Variants in LPP observed in about 807,000 individuals in gnomAD.
LPP encodes the protein lipoma-preferred partner.
Under a neutral mutation model 60.4 loss-of-function variants are expected in LPP, and 38 were observed. The ratio of observed to expected loss-of-function variants is 0.63; its 90% CI spans 0.49 to 0.83. The LOEUF (loss-of-function observed/expected upper bound fraction) is 0.83, where lower values mean the gene tolerates loss of function less well. Among genes scored for constraint, LPP ranks in the 40% least tolerant of loss-of-function variants. The probability of loss-of-function intolerance (pLI) is 0.00; values close to 1 mark genes in which losing one functional copy is unlikely to be tolerated. For synonymous variants in LPP, 328 were observed against 290.8 expected (o/e 1.13, Z -1.30); for missense variants, 902 against 783.6 (o/e 1.15, Z -1.80).
chr3:188,210,781 T>C (rs1489832061), intron 1 of LPP, among the ~76,000 whole-genome samples: 1 of 152,170 alleles, frequency 6.6e-6, no homozygotes. Context: ...AATAATCTCC[T>C]TTCTTTGCTG....
intron 1 of LPP, among the ~76,000 whole-genome samples, chr3:188,194,079 G>T (rs1728885505): frequency 1.3e-5 from 2 of 152,164 alleles, no homozygotes; most frequent in South Asian, 4.1e-4. Context: ...AAAAAATCAG[G>T]GTGCTGAATG....
chr3:188,270,124 A>T (rs1737207790), intron 2 of LPP, among the ~76,000 whole-genome samples: 1 of 152,178 alleles, frequency 6.6e-6, no homozygotes, highest in Non-Finnish European at 1.5e-5. Context: ...GTGGTATGAG[A>T]TTGCCTGAGA....
chr3:188,774,820 C>T (rs1320751509), intron 9 of LPP, among the ~76,000 whole-genome samples: 2 of 152,090 alleles, frequency 1.3e-5, no homozygotes, highest in East Asian at 1.9e-4. Context: ...ATCATGAGGG[C>T]TCCATCCTTA....
chr3:188,171,035 T>G (rs1721443567), intron 1 of LPP, among the ~76,000 whole-genome samples: 1 of 113,048 alleles, frequency 8.8e-6, no homozygotes, highest in African/African-American at 4.0e-5. Flanking sequence ...AAAGGAACAC[T>G]GGCAAACCTG....
intron 6 of LPP, among the ~76,000 whole-genome samples, chr3:188,607,037 CA>C (rs1842511704): frequency 6.7e-6 from 1 of 149,998 alleles, no homozygotes; most frequent in Non-Finnish European, 1.5e-5. Context: ...CATTCATTAA[CA>C]AAAAAGAATA....
At chr3:188,715,022 C>A (rs938622134) in intron 8 of LPP, among the ~76,000 whole-genome samples, 1 of 152,008 alleles carries the variant, frequency 6.6e-6, no homozygotes, top group African/African-American at 2.4e-5. Flanking sequence ...CATTTTAGAG[C>A]AAATTTTTTC....
At chr3:188,233,282 T>A (rs997459709) in intron 2 of LPP, among the ~76,000 whole-genome samples, 7 of 152,294 alleles carry the variant, frequency 4.6e-5, no homozygotes, top group African/African-American at 1.4e-4. Context: ...TTATTGGGCA[T>A]CACTACTGGA....
chr3:188,532,592 G>A (rs529317676), intron 6 of LPP, among the ~76,000 whole-genome samples: 2 of 152,208 alleles, frequency 1.3e-5, no homozygotes, highest in African/African-American at 4.8e-5. Context: ...GTTTGCCAAC[G>A]GGAAGAGCAT....
At chr3:188,308,274 A>C (rs1338027508) in intron 2 of LPP, among the ~76,000 whole-genome samples, 1 of 152,202 alleles carries the variant, frequency 6.6e-6, no homozygotes, top group African/African-American at 2.4e-5. Flanking sequence ...GGGCTGTGAT[A>C]TGCCTATATC....
chr3:188,641,091 C>T (rs1257274262), intron 7 of LPP, among the ~76,000 whole-genome samples: 12 of 151,820 alleles, frequency 7.9e-5, no homozygotes. Context: ...AAGGTTAAAT[C>T]TAAAGAAGTA....
chr3:188,732,714 AT>A lies in LPP; in HGVS notation c.1240+24322del, dbSNP rs1336356440. Among the ~76,000 whole-genome samples, 51 of 127,638 alleles carry A rather than the reference AT, an allele frequency of 4.0e-4. 1 individual carries two copies. The South Asian group carries it at 0.012, about 29-fold the overall frequency. The allele number at this position is 127,638 out of a possible 152,430, so 83.7% of individuals were successfully genotyped here. On this transcript the variant is annotated intron_variant, in intron 8 of 11. Transcript: ENST00000617246. Reference sequence around the variant, plus strand: ...GCCCTAGCGACAGAGTGAGACTCTTATCAAAAAAAAAAAAAAAAAAAAGAAT... The same window carrying A: ...GCCCTAGCGACAGAGTGAGACTCTTACAAAAAAAAAAAAAAAAAAAAGAAT...
intron 5 of LPP, among the ~76,000 whole-genome samples, chr3:188,507,957 G>A (rs1814057796): frequency 1.3e-5 from 2 of 152,088 alleles, no homozygotes; most frequent in Non-Finnish European, 2.9e-5. Context: ...TCCAATCTAA[G>A]GCTATATCAT....
At chr3:188,806,671 ATTTG>A (rs1211624863) in intron 9 of LPP, among the ~76,000 whole-genome samples, 3 of 151,672 alleles carry the variant, frequency 2.0e-5, no homozygotes, top group African/African-American at 7.3e-5. Flanking sequence ...CATTTACACT[ATTTG>A]TTTATTATTT....
chr3:188,769,415 A>T (rs1214354449), intron 9 of LPP, among the ~76,000 whole-genome samples: 2 of 152,178 alleles, frequency 1.3e-5, no homozygotes, highest in Non-Finnish European at 2.9e-5. Context: ...TGCACGTTCC[A>T]AGGCAGCCCT....
At chr3:188,592,553 T>TTTGTTTTTTTTTGTTG (rs1839009969) in intron 6 of LPP, among the ~76,000 whole-genome samples, 4 of 121,280 alleles carry the variant, frequency 3.3e-5, no homozygotes, top group South Asian at 3.3e-4. Context: ...TTAGTTTTGT[T>TTTGTTTTTTTTTGTTG]TTTGTTTTTT....
At chr3:188,786,604 T>C (rs1405656439) in intron 9 of LPP, among the ~76,000 whole-genome samples, 6 of 152,130 alleles carry the variant, frequency 3.9e-5, no homozygotes, top group Non-Finnish European at 8.8e-5. Context: ...TGAAGACTTG[T>C]ATATCCCAGG....
At chr3:188,769,748 G>A (rs908108096) in intron 9 of LPP, among the ~76,000 whole-genome samples, 1 of 152,150 alleles carries the variant, frequency 6.6e-6, no homozygotes, top group Admixed American at 6.5e-5. Flanking sequence ...CCGACATGAA[G>A]GGTTTAAACA....
chr3:188,240,314 T>C (rs1723704469), intron 2 of LPP, among the ~76,000 whole-genome samples: 1 of 152,024 alleles, frequency 6.6e-6, no homozygotes, highest in East Asian at 1.9e-4. Context: ...GGTTGTTGAC[T>C]GCATAAGAGT....
intron 7 of LPP, among the ~76,000 whole-genome samples, chr3:188,704,454 A>G (rs561469491): frequency 7.9e-5 from 12 of 152,322 alleles, no homozygotes; most frequent in African/African-American, 2.9e-4. Context: ...AAGGATGCCA[A>G]GTGAAGGTCA....
Sources: gnomAD v4.1 joint callset for allele counts (sites outside exome capture counted in the v4.1 genomes callset) on GRCh38, gnomAD v4.1.1 for gene constraint, MANE v1.5 for transcripts, NCBI Gene and HGNC (gene_info 2026-07-23, HGNC 2026-07-21) for gene names.